Variants in PPP1CB observed in about 807,000 individuals in gnomAD.
The protein encoded by PPP1CB is protein phosphatase 1 catalytic subunit beta, also known as serine/threonine-protein phosphatase PP1-beta catalytic subunit.
PPP1CB carries 2 observed loss-of-function variants against 43.7 expected under a neutral mutation model. The observed-to-expected ratio is 0.05, with a 90% CI of 0.02 to 0.14. The LOEUF (loss-of-function observed/expected upper bound fraction) is 0.14. PPP1CB is among the 10% of genes least tolerant of loss of function. The pLI is 1.00. For missense variants in PPP1CB, 84 were observed against 398.0 expected (o/e 0.21, Z 6.71); for synonymous variants, 136 against 135.6 (o/e 1.00, Z -0.02).
At chr2:28,760,300 T>C (rs7579321) in intron 1 of PPP1CB, among the ~76,000 whole-genome samples, 77,511 of 152,104 alleles carry the variant, frequency 0.51, 20,453 homozygotes, top group Middle Eastern at 0.61. Context: ...TTTAAGTTTC[T>C]AAAGTAAAAA....
At chr2:28,781,668 CT>C in intron 3 of PPP1CB, 69 bp from the exon 4 acceptor site, 2 of 1,040,768 alleles carry the variant, frequency 1.9e-6, no homozygotes, top group Non-Finnish European at 2.9e-6. Flanking sequence ...ATTCATAATC[CT>C]GCGGCTTTGA....
chr2:28,758,990 A>G (rs757871871), intron 1 of PPP1CB, among the ~76,000 whole-genome samples: 1 of 152,250 alleles, frequency 6.6e-6, no homozygotes, highest in Non-Finnish European at 1.5e-5. Context: ...CCATCTGGTC[A>G]GTTGCAAGGT....
intron 6 of PPP1CB, among the ~76,000 whole-genome samples, chr2:28,791,209 T>C (rs1667377298): frequency 6.6e-6 from 1 of 152,244 alleles, no homozygotes; most frequent in East Asian, 1.9e-4. Context: ...TGACTGGCTT[T>C]TTATTCTTTG....
chr2:28,751,733 G>A (rs989581672), upstream of PPP1CB: 8 of 255,366 alleles, frequency 3.1e-5, no homozygotes, highest in South Asian at 1.8e-4. Context: ...AGCGCACCGC[G>A]CGCCTGCGCG....
chr2:28,776,699 A>G lies in PPP1CB; in HGVS notation c.53-152A>G, dbSNP rs959257845. On this transcript the variant is annotated intron_variant, in intron 1 of 7. Transcript: ENST00000395366. ...ACAATGAAAATAGAAGTCAGAGATC[A>G]TAGAATAACATTATTTTAAACCATG... 1.6e-5 allele frequency: 9 copies of G among 570,350 alleles called. No individual in the cohort carries two copies. In the East Asian group the frequency reaches 2.1e-4, roughly 13 times the overall value. The allele number at this position is 570,350 out of a possible 1,614,324, so 35.3% of individuals were successfully genotyped here. A position where few individuals can be genotyped will look rare whatever the true frequency, so the allele number is the denominator to read the frequency against.
In PPP1CB at chr2:28,780,024, C is replaced by G. The variant is rs1190850026; in HGVS notation, c.415+985C>G. 6.6e-5 allele frequency among the ~76,000 whole-genome samples: 10 copies of G among 151,822 alleles called. No homozygotes were observed. The East Asian group carries it at 1.9e-3, about 29-fold the overall frequency. On this transcript the variant is annotated intron_variant, in intron 3 of 7. Transcript: ENST00000395366. ...TCCTTGTAGTGAAAAAAGGCTGTATCAGGCTTCCAATGCTTAATGAAAATA... is the reference window on the plus strand; with the variant it reads ...TCCTTGTAGTGAAAAAAGGCTGTATGAGGCTTCCAATGCTTAATGAAAATA...
intron 2 of PPP1CB, among the ~76,000 whole-genome samples, chr2:28,778,030 G>A (rs1429241129): frequency 6.6e-6 from 1 of 152,128 alleles, no homozygotes; most frequent in East Asian, 1.9e-4. Flanking sequence ...CAGAATTTGG[G>A]GGAACTAATC....
chr2:28,778,686 C>T (rs1405617365), intron 2 of PPP1CB, 123 bp from the exon 3 acceptor site: 4 of 633,070 alleles, frequency 6.3e-6, no homozygotes, highest in Non-Finnish European at 1.1e-5. Context: ...AGTAAGTCAC[C>T]AAATATAGCC....
chr2:28,769,243 T>C (rs1666848187), intron 1 of PPP1CB, among the ~76,000 whole-genome samples: 1 of 152,176 alleles, frequency 6.6e-6, no homozygotes, highest in Admixed American at 6.5e-5. Flanking sequence ...TAGAATTCTT[T>C]ATTTATTTTG....
chr2:28,794,657 C>T (rs777815767), intron 7 of PPP1CB, among the ~76,000 whole-genome samples: 16 of 151,940 alleles, frequency 1.1e-4, no homozygotes, highest in Non-Finnish European at 2.1e-4. Context: ...CACCACTGCA[C>T]GCTAGCCTGG....
chr2:28,759,495 G>C (rs1666587659), intron 1 of PPP1CB, among the ~76,000 whole-genome samples: 1 of 138,688 alleles, frequency 7.2e-6, no homozygotes, highest in Non-Finnish European at 1.5e-5. Flanking sequence ...TCTCCAGCCT[G>C]GGCGAAAGAG....
chr2:28,797,553 A>G (rs767339839), intron 7 of PPP1CB, among the ~76,000 whole-genome samples: 18 of 151,998 alleles, frequency 1.2e-4, no homozygotes, highest in Admixed American at 2.0e-4. Context: ...GTGTGTTTCT[A>G]TGAATTCATT....
intron 1 of PPP1CB, among the ~76,000 whole-genome samples, chr2:28,770,564 A>T (rs142875539): frequency 6.2e-4 from 94 of 152,298 alleles, no homozygotes; most frequent in African/African-American, 2.1e-3. Context: ...ATTTTTATAT[A>T]TGTAATAGTA....
intron 1 of PPP1CB, 49 bp from the exon 2 acceptor site, chr2:28,776,802 A>T (rs778701206): frequency 1.9e-6 from 3 of 1,556,722 alleles, no homozygotes; most frequent in Admixed American, 1.8e-5. Flanking sequence ...TTGAAAGATT[A>T]TTATGAGTAA....
chr2:28,785,669 A>G (rs1377955903), intron 5 of PPP1CB, among the ~76,000 whole-genome samples: 1 of 149,504 alleles, frequency 6.7e-6, no homozygotes, highest in Non-Finnish European at 1.5e-5. Flanking sequence ...TTTTTTTTTT[A>G]ATTAGCCACA....
In PPP1CB at chr2:28,799,365, T is replaced by C. The variant is rs1667560178; in HGVS notation, c.*62T>C. ...AAGGACATACTTCATAATATATAAGTGTGCACTGTAAAACCATCCAGCCAT... is the reference window on the plus strand; with the variant it reads ...AAGGACATACTTCATAATATATAAGCGTGCACTGTAAAACCATCCAGCCAT... On this transcript the variant is annotated 3_prime_UTR_variant, in exon 8 of 8. Coordinates refer to ENST00000395366, the MANE Select transcript of PPP1CB (RefSeq NM_002709.3). 2 of 1,347,918 alleles carry C rather than the reference T, an allele frequency of 1.5e-6. No homozygotes were observed. Among genetic ancestry groups the C allele is most frequent in the African/African-American group, 1.5e-5 (1 of 68,902 alleles). The allele number at this position is 1,347,918 out of a possible 1,614,324, so 83.5% of individuals were successfully genotyped here. A position where few individuals can be genotyped will look rare whatever the true frequency, so the allele number is the denominator to read the frequency against.
chr2:28,769,796 A>G (rs1362749404), intron 1 of PPP1CB, among the ~76,000 whole-genome samples: 1 of 152,138 alleles, frequency 6.6e-6, no homozygotes, highest in African/African-American at 2.4e-5. Context: ...CTCTAAATGA[A>G]AAAAGAATAT....
chr2:28,794,863 A>G (rs1210740491), intron 7 of PPP1CB, among the ~76,000 whole-genome samples: 1 of 152,092 alleles, frequency 6.6e-6, no homozygotes, highest in East Asian at 1.9e-4. Flanking sequence ...TAATTTATGT[A>G]CGTACTAGGT....
At chr2:28,798,257 A>G (rs562789518) in intron 7 of PPP1CB, among the ~76,000 whole-genome samples, 8 of 152,256 alleles carry the variant, frequency 5.3e-5, no homozygotes, top group Non-Finnish European at 1.0e-4. Context: ...GCCAGACTGT[A>G]TCAAGTTTTG....
Sources: allele counts gnomAD v4.1 joint callset (sites outside exome capture counted in the v4.1 genomes callset), GRCh38; gene constraint gnomAD v4.1.1; transcripts MANE v1.5; gene names NCBI Gene and HGNC (gene_info 2026-07-23, HGNC 2026-07-21).